PRMT3: variants seen among roughly 807,000 people sequenced by gnomAD.
PRMT3 encodes protein arginine methyltransferase 3.
A neutral mutation model predicts 71.9 loss-of-function variants in PRMT3; 62 were observed. The ratio of observed to expected loss-of-function variants is 0.86; its 90% CI spans 0.70 to 1.07. The LOEUF is 1.07. Among genes scored for constraint, PRMT3 ranks in the 50% least tolerant of loss-of-function variants. The probability of loss-of-function intolerance (pLI) is 0.00; values close to 1 mark genes in which losing one functional copy is unlikely to be tolerated. For synonymous variants in PRMT3, 213 were observed against 220.4 expected, an observed-to-expected ratio of 0.97 and a Z score of 0.30; for missense variants, 663 against 643.0, an observed-to-expected ratio of 1.03 and a Z score of -0.34.
At chr11:20,453,237 C>G (rs1023458863) in intron 11 of PRMT3, among the ~76,000 whole-genome samples, 5 of 150,002 alleles carry the variant, frequency 3.3e-5, no homozygotes, top group Admixed American at 1.3e-4. Flanking sequence ...TCCCAGCACT[C>G]TGAGAGGCCA....
intron 13 of PRMT3, among the ~76,000 whole-genome samples, chr11:20,482,299 T>C (rs1286880923): frequency 6.8e-6 from 1 of 146,124 alleles, no homozygotes; most frequent in African/African-American, 2.8e-5. Flanking sequence ...GATTTGAACA[T>C]CAAATTGTCC....
At chr11:20,412,911 C>T (rs1849226277) in intron 9 of PRMT3, among the ~76,000 whole-genome samples, 1 of 152,012 alleles carries the variant, frequency 6.6e-6, no homozygotes, top group Admixed American at 6.6e-5. Context: ...AGGATTGAGC[C>T]TGGGCAACAT....
chr11:20,429,728 A>C (rs1849616564), intron 10 of PRMT3, among the ~76,000 whole-genome samples: 1 of 152,198 alleles, frequency 6.6e-6, no homozygotes, highest in Non-Finnish European at 1.5e-5. Context: ...GAAGTCTAGC[A>C]ACTGTTTTAA....
chr11:20,404,211 GTTTTTTTTTTTTTTTTTTT>G (rs71063629), intron 8 of PRMT3, among the ~76,000 whole-genome samples: 16 of 34,330 alleles, frequency 4.7e-4, no homozygotes, highest in Admixed American at 2.5e-3. Flanking sequence ...ACTTTTCATA[GTTTTTTTTTTTTTTTTTTT>G]TTTTTTTTTT....
rs530199954 is a variant in PRMT3, at chr11:20,475,013, T to C, written c.1347+10467T>C. On this transcript the variant is annotated intron_variant, in intron 13 of 15. Transcript: ENST00000331079. ...TTGTTTACTAAAGGACTTAGAAAAG[T>C]AATAACATTCTTAAATAAGGAAGGG... is the stretch of plus-strand genomic sequence containing the variant. Among the ~76,000 whole-genome samples, 3 of 152,242 alleles carry C rather than the reference T, an allele frequency of 2.0e-5. No homozygotes were observed. The East Asian group carries it at 5.8e-4, about 29-fold the overall frequency.
intron 11 of PRMT3, among the ~76,000 whole-genome samples, chr11:20,452,824 A>T (rs538354689): frequency 6.6e-6 from 1 of 152,350 alleles, no homozygotes; most frequent in African/African-American, 2.4e-5. Context: ...GTGAGCAATT[A>T]TATACATACA....
intron 12 of PRMT3, among the ~76,000 whole-genome samples, chr11:20,462,739 A>G (rs1850414650): frequency 6.6e-6 from 1 of 152,058 alleles, no homozygotes; most frequent in Non-Finnish European, 1.5e-5. Context: ...TCTATGTTGA[A>G]TTTACATGGG....
intron 13 of PRMT3, among the ~76,000 whole-genome samples, chr11:20,470,093 C>T (rs1284916241): frequency 1.3e-5 from 2 of 152,114 alleles, no homozygotes; most frequent in African/African-American, 4.8e-5. Flanking sequence ...GCCTACTATA[C>T]ACCTAGGCTA....
rs1207075534 is a variant in PRMT3 at position 20,493,966 on chromosome 11, C to T, written c.1395C>T (p.Asn465=). 2 of 1,586,616 alleles carry T rather than the reference C, an allele frequency of 1.3e-6. No homozygotes were observed. Among genetic ancestry groups the T allele is most frequent in the Non-Finnish European group, 1.7e-6 (2 of 1,160,174 alleles). The change falls in exon 14 of 16, where the codon AAC becomes AAT. Residue 465 remains asparagine, a synonymous_variant. Coordinates refer to ENST00000331079, the MANE Select transcript of PRMT3 (RefSeq NM_005788.4). ...TATATTTTGAGAAGAATTGCCACAA[C>T]AGGGTAAGTATCATGAATTATCTCA... The part of the protein sequence containing the change: ...FDIYFEKNCH[N]RVVFSTGPQS...
chr11:20,434,739 A>C (rs1373844829), intron 10 of PRMT3, among the ~76,000 whole-genome samples: 1 of 151,908 alleles, frequency 6.6e-6, no homozygotes, highest in Non-Finnish European at 1.5e-5. Flanking sequence ...CCATTGGTCT[A>C]TGTGTCTGTT....
At chr11:20,505,054 T>G (rs1851558453) in intron 15 of PRMT3, among the ~76,000 whole-genome samples, 1 of 152,162 alleles carries the variant, frequency 6.6e-6, no homozygotes, top group Non-Finnish European at 1.5e-5. Context: ...TTGAAGCTGT[T>G]GTTTGTAGTA....
chr11:20,389,053 G>A (rs1037485861), intron 2 of PRMT3, among the ~76,000 whole-genome samples: 12 of 152,166 alleles, frequency 7.9e-5, no homozygotes, highest in Non-Finnish European at 1.5e-4. Context: ...TACCGTGGCT[G>A]TGATAGCCTC....
intron 13 of PRMT3, among the ~76,000 whole-genome samples, chr11:20,473,184 C>CTGGATTCTTTGATGTTT (rs1367187686): frequency 2.0e-5 from 3 of 151,944 alleles, no homozygotes; most frequent in Non-Finnish European, 4.4e-5. Flanking sequence ...AAAACAGCTC[C>CTGGATTCTTTGATGTTT]TGGATTCTTT....
chr11:20,508,572 T>G lies in PRMT3; in HGVS notation c.*159T>G. On this transcript the variant is annotated 3_prime_UTR_variant, in exon 16 of 16. Transcript: ENST00000331079. ...AAGTTCTCATTGTGGGAATCTGACA[T>G]AGTTCAGCTGAGGAAGAGAATCAGC... 1 of 702,906 alleles carries G rather than the reference T, an allele frequency of 1.4e-6. No individual in the cohort carries two copies. Among genetic ancestry groups the G allele is most frequent in the Non-Finnish European group, 2.6e-6 (1 of 382,164 alleles). 43.5% of individuals were successfully genotyped at this position (702,906 alleles called of 1,614,324 possible). A position where few individuals can be genotyped will look rare whatever the true frequency, so the allele number is the denominator to read the frequency against.
At chr11:20,448,939 C>T (rs1850089770) in intron 10 of PRMT3, among the ~76,000 whole-genome samples, 1 of 152,152 alleles carries the variant, frequency 6.6e-6, no homozygotes, top group African/African-American at 2.4e-5. Flanking sequence ...AGGCAGCAGC[C>T]TGTGAAATTA....
intron 15 of PRMT3, among the ~76,000 whole-genome samples, chr11:20,498,464 C>T (rs756719629): frequency 1.3e-5 from 2 of 152,176 alleles, no homozygotes; most frequent in African/African-American, 4.8e-5. Context: ...CGTGATTGCT[C>T]ATGCCTGTAA....
At chr11:20,458,697 G>T (rs137886970) in intron 11 of PRMT3, among the ~76,000 whole-genome samples, 36 of 152,124 alleles carry the variant, frequency 2.4e-4, no homozygotes, top group African/African-American at 8.4e-4. Context: ...ATATCCTTAT[G>T]CATATTCATA....
chr11:20,488,328 TATG>T (rs1203676862), intron 13 of PRMT3, among the ~76,000 whole-genome samples: 1 of 152,196 alleles, frequency 6.6e-6, no homozygotes, highest in East Asian at 1.9e-4. Context: ...TTGGTTTATA[TATG>T]ATGATCTAAG....
At chr11:20,504,884 C>T (rs1590118622) in intron 15 of PRMT3, among the ~76,000 whole-genome samples, 1 of 152,138 alleles carries the variant, frequency 6.6e-6, no homozygotes, top group East Asian at 1.9e-4. Context: ...CAGGTGTGCA[C>T]CACATGCCTG....
Sources: allele counts gnomAD v4.1 joint callset (sites outside exome capture counted in the v4.1 genomes callset), GRCh38; gene constraint gnomAD v4.1.1; transcripts MANE v1.5; gene names NCBI Gene and HGNC (gene_info 2026-07-23, HGNC 2026-07-21).